Variants in RHOT1 observed in about 807,000 individuals in gnomAD.
The protein encoded by RHOT1 is mitochondrial Rho GTPase 1.
A neutral mutation model predicts 95.3 loss-of-function variants in RHOT1; 27 were observed. That is an observed-to-expected ratio of 0.28 (90% CI 0.21 to 0.39). The LOEUF (loss-of-function observed/expected upper bound fraction) is 0.39. Ranked by LOEUF, RHOT1 falls within the 10% of genes least tolerant of loss-of-function variation. RHOT1 has a pLI of 1.00. For missense variants in RHOT1, 578 were observed against 786.7 expected, an observed-to-expected ratio of 0.73 and a Z score of 3.17; for synonymous variants, 227 against 263.5, an observed-to-expected ratio of 0.86 and a Z score of 1.34.
intron 3 of RHOT1, 43 bp from the exon 4 acceptor site, chr17:32,175,276 A>G (rs977029579): frequency 3.8e-6 from 6 of 1,567,500 alleles, no homozygotes; most frequent in Non-Finnish European, 5.3e-6. Flanking sequence ...AGTTTTTATG[A>G]AAGTGTCTGC....
At chr17:32,168,971 C>T (rs1242762590) in intron 1 of RHOT1, among the ~76,000 whole-genome samples, 1 of 152,158 alleles carries the variant, frequency 6.6e-6, no homozygotes, top group Non-Finnish European at 1.5e-5. Context: ...GAAATGTGAC[C>T]TGTGGTCAGC....
chr17:32,190,591 T>C (rs944615526), intron 8 of RHOT1, among the ~76,000 whole-genome samples: 6 of 152,246 alleles, frequency 3.9e-5, no homozygotes, highest in Non-Finnish European at 7.3e-5. Flanking sequence ...TTGCTATTGC[T>C]TCTTTTGGAA....
rs547834299 is a variant in RHOT1, at chr17:32,145,305, AT to A, written c.37+2577del. ...ACAGAGTGAGACTCTGTCTCAAAAAATATATATATATATTGATAATAGTAAA... is the reference window on the plus strand; with the variant it reads ...ACAGAGTGAGACTCTGTCTCAAAAAAATATATATATATTGATAATAGTAAA... On this transcript the variant is annotated intron_variant, in intron 1 of 19. Coordinates refer to ENST00000545287, the MANE Select transcript of RHOT1 (RefSeq NM_001033566.3). 2.5e-3 allele frequency among the ~76,000 whole-genome samples: 384 copies of A among 151,708 alleles called. 6 individuals carry two copies. Among genetic ancestry groups the A allele is most frequent in the African/African-American group, 8.8e-3 (363 of 41,402 alleles).
At chr17:32,171,242 A>G in intron 2 of RHOT1, 141 bp downstream of exon 2, 2 of 589,922 alleles carry the variant, frequency 3.4e-6, no homozygotes, top group East Asian at 6.3e-5. Context: ...TTCTTTAGAG[A>G]CAGGGTCTCA....
At chr17:32,220,187 C>G (rs1410967753) in intron 19 of RHOT1, among the ~76,000 whole-genome samples, 1 of 151,836 alleles carries the variant, frequency 6.6e-6, no homozygotes, top group Non-Finnish European at 1.5e-5. Flanking sequence ...CATAGCAAGA[C>G]CCCATCTCTA....
At chr17:32,192,374 T>A in intron 9 of RHOT1, 75 bp downstream of exon 9, 1 of 827,460 alleles carries the variant, frequency 1.2e-6, no homozygotes, top group Non-Finnish European at 2.0e-6. Context: ...GTAAAATGTG[T>A]TAGCTTAAAC....
rs904263819 is a variant in RHOT1 at position 32,199,183 on chromosome 17, G to A, written c.954+152G>A. The A allele has an allele frequency of 2.2e-4, 167 of 746,730 alleles. No individual in the cohort carries two copies. The South Asian group carries it at 2.4e-3, about 11-fold the overall frequency. 46.3% of individuals were successfully genotyped at this position (746,730 alleles called of 1,614,324 possible). A position where few individuals can be genotyped will look rare whatever the true frequency, so the allele number is the denominator to read the frequency against. On this transcript the variant is annotated intron_variant, in intron 12 of 19. Coordinates refer to ENST00000545287, the MANE Select transcript of RHOT1 (RefSeq NM_001033566.3). ...TAAATTCGCAAAAATATTTTCTGCTGTTTACCTTTGTTGTTTTCTCAAGAT... is the reference window on the plus strand; with the variant it reads ...TAAATTCGCAAAAATATTTTCTGCTATTTACCTTTGTTGTTTTCTCAAGAT...
intron 1 of RHOT1, chr17:32,151,435 C>T (rs2032274903): frequency 1.6e-6 from 1 of 632,090 alleles, no homozygotes; most frequent in South Asian, 1.6e-5. Context: ...GTGGTATCAC[C>T]TTCATGTTGG....
chr17:32,181,795 A>G (rs1053375452), intron 6 of RHOT1, among the ~76,000 whole-genome samples: 3 of 152,208 alleles, frequency 2.0e-5, no homozygotes, highest in African/African-American at 4.8e-5. Flanking sequence ...TACACTAACA[A>G]TAAAACCTAC....
intron 8 of RHOT1, among the ~76,000 whole-genome samples, chr17:32,184,081 A>G (rs1237616517): frequency 1.3e-5 from 2 of 152,214 alleles, no homozygotes; most frequent in African/African-American, 2.4e-5. Flanking sequence ...AATTTTTTTG[A>G]GATATATCTC....
chr17:32,169,907 G>C (rs1354821955), intron 1 of RHOT1, among the ~76,000 whole-genome samples: 2 of 152,058 alleles, frequency 1.3e-5, no homozygotes, highest in Non-Finnish European at 2.9e-5. Flanking sequence ...TACTCGGGAG[G>C]CTGAGGTGGG....
chr17:32,145,307 A>G (rs546239996), intron 1 of RHOT1, among the ~76,000 whole-genome samples: 4 of 151,332 alleles, frequency 2.6e-5, no homozygotes, highest in African/African-American at 9.8e-5. Flanking sequence ...CTCAAAAAAT[A>G]TATATATATA....
chr17:32,211,253 T>C lies in RHOT1; in HGVS notation c.1862+15T>C. The C allele has an allele frequency of 6.3e-7, 1 of 1,593,300 alleles. No homozygotes were observed. On this transcript the variant is annotated intron_variant, in intron 19 of 19. Transcript: ENST00000545287. ...GTTCTTAACAGGTTCTTAACTTTAT[T>C]TACTGGGTACCAGGCATTCTGTTAA...
chr17:32,151,351 G>T, intron 1 of RHOT1: 1 of 615,018 alleles, frequency 1.6e-6, no homozygotes, highest in Non-Finnish European at 3.1e-6. Context: ...GGTTGAGGCT[G>T]CAGTGAGCCA....
At chr17:32,149,617 ATATATATATATATATATATGTGTGTG>A (rs1429458858) in intron 1 of RHOT1, among the ~76,000 whole-genome samples, 2 of 83,684 alleles carry the variant, frequency 2.4e-5, no homozygotes, top group Non-Finnish European at 4.5e-5. Flanking sequence ...ATATATATAT[ATATATATATATATATATATGTGTGTG>A]TGTGTGTGTG....
Position 32,208,151 on chromosome 17 carries a change from A to G in RHOT1, c.1581A>G (p.Ala527=). Residue 527 remains alanine (A), a synonymous_variant, in exon 18 of 20, where the codon GCA becomes GCG. Coordinates refer to ENST00000545287, the MANE Select transcript of RHOT1 (RefSeq NM_001033566.3). ...DSRIPCLIVA[A]KSDLHEVKQE... ...GAATACCTTGCTTAATCGTAGCTGC[A>G]AAGTCAGACCTGCATGAAGTTAAAC... 6.2e-7 allele frequency: 1 copy of G among 1,614,136 alleles called. No individual in the cohort carries two copies. Among genetic ancestry groups the G allele is most frequent in the Non-Finnish European group, 8.5e-7 (1 of 1,179,976 alleles).
chr17:32,147,362 C>T (rs2031514090), intron 1 of RHOT1, among the ~76,000 whole-genome samples: 1 of 151,994 alleles, frequency 6.6e-6, no homozygotes, highest in Admixed American at 6.6e-5. Flanking sequence ...ATTTTAAAAC[C>T]ATATTGCTAA....
At chr17:32,162,018 G>T (rs533146536) in intron 1 of RHOT1, among the ~76,000 whole-genome samples, 1 of 152,288 alleles carries the variant, frequency 6.6e-6, no homozygotes, top group Admixed American at 6.5e-5. Context: ...CACCAACCAG[G>T]AAGCTCTCCT....
intron 19 of RHOT1, among the ~76,000 whole-genome samples, chr17:32,221,415 A>T (rs1385782625): frequency 6.6e-6 from 1 of 151,836 alleles, no homozygotes; most frequent in Non-Finnish European, 1.5e-5. Context: ...CAGAAGCTTT[A>T]TGAAACTGTA....
Sources: allele counts gnomAD v4.1 joint callset (sites outside exome capture counted in the v4.1 genomes callset), GRCh38; gene constraint gnomAD v4.1.1; transcripts MANE v1.5; gene names NCBI Gene and HGNC (gene_info 2026-07-23, HGNC 2026-07-21).